The following PDE1A variants were observed in gnomAD, a reference collection of about 807,000 sequenced individuals.
PDE1A encodes the protein dual specificity calcium/calmodulin-dependent 3',5'-cyclic nucleotide phosphodiesterase 1A.
PDE1A carries 35 observed loss-of-function variants against 61.7 expected under a neutral mutation model. That is an observed-to-expected ratio of 0.57 (90% CI 0.43 to 0.75). The LOEUF (loss-of-function observed/expected upper bound fraction) is 0.75, where lower values mean the gene tolerates loss of function less well. Ranked by LOEUF, PDE1A falls within the 30% of genes least tolerant of loss-of-function variation. The pLI, the probability that PDE1A is intolerant of heterozygous loss-of-function variation, is 0.00. For synonymous variants in PDE1A, 232 were observed against 213.2 expected (o/e 1.09, Z -0.77); for missense variants, 597 against 630.6 (o/e 0.95, Z 0.57).
chr2:182,553,013 C>G, the PDE1A span, among the ~76,000 whole-genome samples: 2 of 152,202 alleles, frequency 1.3e-5, no homozygotes, highest in African/African-American at 2.4e-5. Context: ...ATTGCCACTC[C>G]TGATCTGGGC....
intron 2 of PDE1A, among the ~76,000 whole-genome samples, chr2:182,503,040 T>TACACACACACACAC (rs35067674): frequency 5.4e-4 from 52 of 97,010 alleles, no homozygotes; most frequent in African/African-American, 1.6e-3. Flanking sequence ...CATTCTTTCT[T>TACACACACACACAC]ACACACACAC....
At chr2:182,364,676 T>C (rs1260942402) in intron 1 of PDE1A, among the ~76,000 whole-genome samples, 3 of 151,676 alleles carry the variant, frequency 2.0e-5, no homozygotes, top group Non-Finnish European at 1.5e-5. Context: ...TATAGTTTAA[T>C]TTTTATACTT....
the PDE1A span, among the ~76,000 whole-genome samples, chr2:182,643,044 C>G: frequency 1.3e-5 from 2 of 152,208 alleles, no homozygotes; most frequent in African/African-American, 2.4e-5. Flanking sequence ...CCACATCCTC[C>G]TCTTAAAGAA....
the PDE1A span, among the ~76,000 whole-genome samples, chr2:182,558,925 G>A: frequency 1.3e-4 from 20 of 152,154 alleles, no homozygotes; most frequent in African/African-American, 4.6e-4. Context: ...AAAGGCTGTT[G>A]AGGAACGTTT....
the PDE1A span, among the ~76,000 whole-genome samples, chr2:182,695,517 A>T: frequency 8.6e-4 from 131 of 152,176 alleles, no homozygotes; most frequent in African/African-American, 3.0e-3. Flanking sequence ...CTACAAAAAA[A>T]TTAGCTGGGC....
intron 1 of PDE1A, among the ~76,000 whole-genome samples, chr2:182,280,205 T>C (rs1423296642): frequency 6.6e-6 from 1 of 151,830 alleles, no homozygotes; most frequent in Admixed American, 6.6e-5. Flanking sequence ...TGAATGTCTA[T>C]CCAAATTTTC....
At chr2:182,397,377 C>T (rs1376756065) in intron 1 of PDE1A, among the ~76,000 whole-genome samples, 1 of 151,888 alleles carries the variant, frequency 6.6e-6, no homozygotes, top group Non-Finnish European at 1.5e-5. Flanking sequence ...GCCATATCCC[C>T]AAAAGTGATT....
At chr2:182,474,491 C>T (rs1488683936) in intron 2 of PDE1A, among the ~76,000 whole-genome samples, 1 of 151,826 alleles carries the variant, frequency 6.6e-6, no homozygotes, top group Non-Finnish European at 1.5e-5. Context: ...TCATAATTAG[C>T]ATGTGATCTT....
At chr2:182,184,242 G>A (rs7583421) in intron 13 of PDE1A, among the ~76,000 whole-genome samples, 30,944 of 138,256 alleles carry the variant, frequency 0.22, 3,398 homozygotes, top group East Asian at 0.36. Flanking sequence ...AGAAGCTAGT[G>A]AACACTAAGT....
At chr2:182,560,684 T>G in the PDE1A span, among the ~76,000 whole-genome samples, 1 of 152,160 alleles carries the variant, frequency 6.6e-6, no homozygotes, top group Non-Finnish European at 1.5e-5. Flanking sequence ...CCACCAACAG[T>G]GTAAAAGTGT....
At chr2:182,393,489 T>C (rs1574537603) in intron 1 of PDE1A, among the ~76,000 whole-genome samples, 2 of 152,222 alleles carry the variant, frequency 1.3e-5, no homozygotes, top group East Asian at 3.8e-4. Context: ...TGATTAACAT[T>C]TGGCTCCTCA....
chr2:182,150,927 C>G (rs779141987), intron 13 of PDE1A, among the ~76,000 whole-genome samples: 1 of 152,150 alleles, frequency 6.6e-6, no homozygotes, highest in Non-Finnish European at 1.5e-5. Flanking sequence ...GTCCTCCAGT[C>G]AGGGTCTCAC....
At chr2:182,451,877 C>T (rs528248846) in intron 2 of PDE1A, among the ~76,000 whole-genome samples, 1 of 152,186 alleles carries the variant, frequency 6.6e-6, no homozygotes, top group Admixed American at 6.5e-5. Flanking sequence ...CTCTGCTTTC[C>T]TTTTTTCCTT....
chr2:182,388,316 C>T (rs1701234453), intron 1 of PDE1A, among the ~76,000 whole-genome samples: 1 of 152,088 alleles, frequency 6.6e-6, no homozygotes, highest in Non-Finnish European at 1.5e-5. Context: ...AGTTAAACTG[C>T]AATCTAGGCA....
rs150120787 is a variant in PDE1A, at chr2:182,177,286, G to A, written c.1516+8606C>T. Among the ~76,000 whole-genome samples, 352 of 152,154 alleles carry A rather than the reference G, an allele frequency of 2.3e-3. 1 individual carries two copies. Among genetic ancestry groups the A allele is most frequent in the African/African-American group, 8.1e-3 (335 of 41,506 alleles). On this transcript the variant is annotated intron_variant, in intron 13 of 13. Coordinates refer to ENST00000351439, the Ensembl canonical transcript of PDE1A. ...GCACCAGTTTCTCCTTGTACCTCTG[G>A]TAGAATTCGGCTGTGAATCCATCTG...
At chr2:182,409,686 G>A (rs767338445) in intron 1 of PDE1A, among the ~76,000 whole-genome samples, 6 of 152,134 alleles carry the variant, frequency 3.9e-5, no homozygotes, top group Non-Finnish European at 7.4e-5. Flanking sequence ...GAGGGTCACT[G>A]GGTATACCAT....
the PDE1A span, among the ~76,000 whole-genome samples, chr2:182,646,323 G>C: frequency 1.4e-5 from 2 of 147,276 alleles, no homozygotes; most frequent in East Asian, 4.0e-4. Flanking sequence ...ATAGTGGTGC[G>C]TACCTGTAGT....
the PDE1A span, among the ~76,000 whole-genome samples, chr2:182,683,455 C>G: frequency 6.6e-6 from 1 of 151,706 alleles, no homozygotes; most frequent in African/African-American, 2.4e-5. Flanking sequence ...AAAATTGAGT[C>G]CAAAAAATAA....
rs527544591 is a variant in PDE1A, at chr2:182,413,239, G to A, written c.53+13339C>T. ...ACTTGGTAGAAAATAAAGGGCCATG[G>A]CAAATTACAAATGAAAGGAGTGACA... On this transcript the variant is annotated intron_variant, in intron 1 of 13. Transcript: ENST00000351439. Among the ~76,000 whole-genome samples, 73 of 152,240 alleles carry A rather than the reference G, an allele frequency of 4.8e-4. No homozygotes were observed. The South Asian group carries it at 0.014, about 29-fold the overall frequency.
Sources: allele counts gnomAD v4.1 joint callset (sites outside exome capture counted in the v4.1 genomes callset), GRCh38; gene constraint gnomAD v4.1.1; transcripts MANE v1.5; gene names NCBI Gene and HGNC (gene_info 2026-07-23, HGNC 2026-07-21).